TENM3: variants seen among roughly 807,000 people sequenced by gnomAD.
The protein encoded by TENM3 is teneurin-3.
Under a neutral mutation model 255.1 loss-of-function variants are expected in TENM3, and 63 were observed. The ratio of observed to expected loss-of-function variants is 0.25; its 90% CI spans 0.20 to 0.30. The LOEUF is 0.30. Ranked by LOEUF, TENM3 falls within the 10% of genes least tolerant of loss-of-function variation. The probability of loss-of-function intolerance (pLI) is 1.00; values close to 1 mark genes in which losing one functional copy is unlikely to be tolerated. For missense variants in TENM3, 2,929 were observed against 3,461.1 expected (o/e 0.85, Z 3.86); for synonymous variants, 1,306 against 1,322.3 (o/e 0.99, Z 0.27).
chr4:181,456,095 ATGTGTGTG>A, the TENM3 span, among the ~76,000 whole-genome samples: 6 of 135,318 alleles, frequency 4.4e-5, no homozygotes, highest in African/African-American at 1.3e-4. Context: ...TGGTAAATAT[ATGTGTGTG>A]TGTGTGTGTG....
the TENM3 span, among the ~76,000 whole-genome samples, chr4:181,568,438 C>T: frequency 6.6e-6 from 1 of 152,144 alleles, no homozygotes; most frequent in East Asian, 1.9e-4. Flanking sequence ...ATGATCCACC[C>T]CTCATCCTCC....
the TENM3 span, among the ~76,000 whole-genome samples, chr4:181,718,397 A>G: frequency 6.6e-6 from 1 of 152,196 alleles, no homozygotes; most frequent in Non-Finnish European, 1.5e-5. Context: ...TAATTCTTCC[A>G]TGTCACCCAA....
rs532560195 is a variant in TENM3 at position 182,289,050 on chromosome 4, C to A, written c.-75-34896C>A. Among the ~76,000 whole-genome samples, 101 of 151,820 alleles carry A rather than the reference C, an allele frequency of 6.7e-4. 1 individual carries two copies. In the South Asian group the frequency reaches 7.9e-3, roughly 12 times the overall value. On this transcript the variant is annotated intron_variant, in intron 1 of 27. Coordinates refer to ENST00000511685, the MANE Select transcript of TENM3 (RefSeq NM_001080477.4). Reference sequence around the variant, plus strand: ...GACTAGCCTGGGCAACACAGCAAGACCCTGTCTTGGCAAAAAAAAAAATTT... The same window carrying A: ...GACTAGCCTGGGCAACACAGCAAGAACCTGTCTTGGCAAAAAAAAAAATTT...
the TENM3 span, among the ~76,000 whole-genome samples, chr4:181,966,533 C>T: frequency 6.6e-6 from 1 of 152,160 alleles, no homozygotes; most frequent in Non-Finnish European, 1.5e-5. Context: ...TTGGTGTCTT[C>T]TGTCTTCCCC....
chr4:181,623,042 T>C, the TENM3 span, among the ~76,000 whole-genome samples: 1 of 152,136 alleles, frequency 6.6e-6, no homozygotes, highest in Admixed American at 6.5e-5. Context: ...TAATAGTAAC[T>C]TTTCAGACAA....
intron 2 of TENM3, among the ~76,000 whole-genome samples, chr4:182,335,117 C>T (rs1313706043): frequency 6.6e-6 from 1 of 151,908 alleles, no homozygotes. Context: ...GCCTTCTCTA[C>T]TTTGGACTAG....
the TENM3 span, chr4:182,084,920 A>T: frequency 6.6e-6 from 1 of 152,188 alleles, no homozygotes; most frequent in Non-Finnish European, 1.5e-5. Context: ...AGCCTTCTTG[A>T]AGCCCAGCAG....
At chr4:182,462,623 A>G (rs912422545) in intron 3 of TENM3, among the ~76,000 whole-genome samples, 2 of 151,948 alleles carry the variant, frequency 1.3e-5, no homozygotes, top group African/African-American at 4.8e-5. Context: ...TCAGATTGGT[A>G]AAGGACCACT....
At chr4:182,518,697 C>CCTG (rs1738253303) in intron 3 of TENM3, among the ~76,000 whole-genome samples, 2 of 152,192 alleles carry the variant, frequency 1.3e-5, no homozygotes, top group East Asian at 3.9e-4. Context: ...ACCTTGATTT[C>CCTG]AACCTGGTAA....
At chr4:182,548,273 C>T (rs574673996) in intron 3 of TENM3, among the ~76,000 whole-genome samples, 12 of 152,114 alleles carry the variant, frequency 7.9e-5, no homozygotes, top group African/African-American at 2.2e-4. Context: ...AGAAAAAGAC[C>T]GCCCGTGACT....
At chr4:182,688,084 G>T in intron 11 of TENM3, 82 bp from the exon 12 acceptor site, 1 of 1,290,726 alleles carries the variant, frequency 7.7e-7, no homozygotes, top group Non-Finnish European at 1.1e-6. Context: ...AATTTGTGTG[G>T]AAGATAAAAG....
At chr4:181,795,030 C>T in the TENM3 span, among the ~76,000 whole-genome samples, 2 of 152,156 alleles carry the variant, frequency 1.3e-5, no homozygotes, top group Admixed American at 6.5e-5. Flanking sequence ...CAATAGCCTA[C>T]AATCCCTTGT....
At chr4:181,488,961 C>T in the TENM3 span, among the ~76,000 whole-genome samples, 1 of 152,184 alleles carries the variant, frequency 6.6e-6, no homozygotes, top group African/African-American at 2.4e-5. Flanking sequence ...GCAAAATCTT[C>T]TTGCCATGGC....
In TENM3 at chr4:182,609,504, A is replaced by T. The variant is rs375980641; in HGVS notation, c.749+8343A>T. Among the ~76,000 whole-genome samples the T allele has an allele frequency of 2.1e-4, 32 of 152,304 alleles. 1 individual carries two copies. The East Asian group carries it at 5.6e-3, about 27-fold the overall frequency. On this transcript the variant is annotated intron_variant, in intron 4 of 27. Transcript: ENST00000511685. ...TAAATTCTTGGACATGCAATTAACC[A>T]ACTAAACTTAATCAATTCTATTTGA...
At chr4:181,604,980 T>G in the TENM3 span, among the ~76,000 whole-genome samples, 1 of 152,216 alleles carries the variant, frequency 6.6e-6, no homozygotes. Context: ...CGCAAAGTGT[T>G]TATTAAATGA....
chr4:182,042,616 T>C, the TENM3 span, among the ~76,000 whole-genome samples: 1 of 152,178 alleles, frequency 6.6e-6, no homozygotes, highest in South Asian at 2.1e-4. Flanking sequence ...TCTAAATAAA[T>C]TACAAAATAA....
chr4:181,541,868 C>T, the TENM3 span, among the ~76,000 whole-genome samples: 1 of 152,212 alleles, frequency 6.6e-6, no homozygotes, highest in Non-Finnish European at 1.5e-5. Context: ...TCACAGTCTA[C>T]ATCTGCTAAT....
chr4:181,499,725 C>A, the TENM3 span, among the ~76,000 whole-genome samples: 3 of 152,098 alleles, frequency 2.0e-5, no homozygotes, highest in African/African-American at 4.8e-5. Context: ...GTGCCTGAAG[C>A]CATACAATCA....
At chr4:182,608,558 C>T (rs1748653074) in intron 4 of TENM3, among the ~76,000 whole-genome samples, 1 of 152,212 alleles carries the variant, frequency 6.6e-6, no homozygotes, top group Admixed American at 6.5e-5. Flanking sequence ...GGAGGGCTGT[C>T]TCCTTTTTGG....
Sources: gnomAD v4.1 joint callset for allele counts (sites outside exome capture counted in the v4.1 genomes callset) on GRCh38, gnomAD v4.1.1 for gene constraint, MANE v1.5 for transcripts, NCBI Gene and HGNC (gene_info 2026-07-23, HGNC 2026-07-21) for gene names.